Variants in CMTM7 observed in about 807,000 individuals in gnomAD.
CMTM7 encodes CKLF-like MARVEL transmembrane domain-containing protein 7.
CMTM7 carries 7 observed loss-of-function variants against 19.3 expected under a neutral mutation model. That is an observed-to-expected ratio of 0.36 (90% CI 0.21 to 0.68). CMTM7 has a LOEUF of 0.68. CMTM7 is among the 30% of genes least tolerant of loss of function. The pLI, the probability that CMTM7 is intolerant of heterozygous loss-of-function variation, is 0.60. For synonymous variants in CMTM7, 87 were observed against 99.3 expected, an observed-to-expected ratio of 0.88 and a Z score of 0.74; for missense variants, 193 against 232.6, an observed-to-expected ratio of 0.83 and a Z score of 1.11.
At chr3:32,438,378 G>A (rs554094726) in intron 1 of CMTM7, among the ~76,000 whole-genome samples, 2 of 152,124 alleles carry the variant, frequency 1.3e-5, no homozygotes, top group Non-Finnish European at 2.9e-5. Flanking sequence ...AGATTATTTT[G>A]TCACCCAGGA....
chr3:32,418,896 T>A (rs900823260), intron 1 of CMTM7, among the ~76,000 whole-genome samples: 20 of 152,328 alleles, frequency 1.3e-4, no homozygotes, highest in African/African-American at 4.1e-4. Context: ...TTAGAATCAG[T>A]TTTCCAATAT....
In CMTM7 at chr3:32,454,542, G is replaced by C; in HGVS notation, c.*288G>C. The C allele has an allele frequency of 1.5e-6, 1 of 650,630 alleles. No homozygotes were observed. The highest frequency in any genetic ancestry group is 1.5e-5 in the South Asian group (1 of 65,250). 40.3% of individuals were successfully genotyped at this position (650,630 alleles called of 1,614,324 possible). A position where few individuals can be genotyped will look rare whatever the true frequency, so the allele number is the denominator to read the frequency against. On this transcript the variant is annotated 3_prime_UTR_variant, in exon 5 of 5. Transcript: ENST00000334983. ...CCTTCCTGCTTCTAGAACCACCTCA[G>C]GTACTGATGAACCCCACTTAGCACA...
chr3:32,402,277 A>G (rs576299853), intron 1 of CMTM7, among the ~76,000 whole-genome samples: 2 of 151,994 alleles, frequency 1.3e-5, no homozygotes, highest in South Asian at 4.2e-4. Context: ...ACGCCCAGCT[A>G]ATTTTTGTAT....
intron 1 of CMTM7, among the ~76,000 whole-genome samples, chr3:32,421,193 C>T (rs569129010): frequency 1.5e-3 from 226 of 152,220 alleles, no homozygotes; most frequent in Non-Finnish European, 2.8e-3. Context: ...ATCTCCAGTC[C>T]ACCTGCTACT....
chr3:32,421,785 C>G (rs941775464), intron 1 of CMTM7, among the ~76,000 whole-genome samples: 2 of 152,142 alleles, frequency 1.3e-5, no homozygotes, highest in East Asian at 3.9e-4. Flanking sequence ...CCTATTTGTT[C>G]CTCCCAAGAA....
At chr3:32,405,314 C>A (rs1026973171) in intron 1 of CMTM7, among the ~76,000 whole-genome samples, 1 of 152,206 alleles carries the variant, frequency 6.6e-6, no homozygotes, top group South Asian at 2.1e-4. Context: ...GTCACAAAAG[C>A]CTTTTTATCC....
intron 4 of CMTM7, among the ~76,000 whole-genome samples, chr3:32,453,472 T>C (rs1696866002): frequency 6.6e-6 from 1 of 152,194 alleles, no homozygotes; most frequent in South Asian, 2.1e-4. Context: ...CCAACATCAT[T>C]AGGAATTCTT....
intron 1 of CMTM7, among the ~76,000 whole-genome samples, chr3:32,405,518 T>A (rs1696079261): frequency 6.6e-6 from 1 of 152,214 alleles, no homozygotes; most frequent in Non-Finnish European, 1.5e-5. Context: ...ATGCAGGAGC[T>A]CATTCATCAT....
At chr3:32,424,057 G>A (rs1696385826) in intron 1 of CMTM7, among the ~76,000 whole-genome samples, 1 of 152,152 alleles carries the variant, frequency 6.6e-6, no homozygotes, top group Non-Finnish European at 1.5e-5. Flanking sequence ...AATTCTGCAG[G>A]TCGGGAATCC....
intron 1 of CMTM7, among the ~76,000 whole-genome samples, chr3:32,397,656 C>A (rs1240567740): frequency 6.6e-6 from 1 of 152,012 alleles, no homozygotes; most frequent in Non-Finnish European, 1.5e-5. Flanking sequence ...ATCTCTTGAA[C>A]CCGGGAGGCA....
intron 1 of CMTM7, among the ~76,000 whole-genome samples, chr3:32,437,274 G>T (rs1284284553): frequency 1.3e-5 from 2 of 152,130 alleles, no homozygotes; most frequent in Non-Finnish European, 2.9e-5. Flanking sequence ...CTTGCTTTGA[G>T]TTGAGGGCTC....
chr3:32,455,115 G>C lies in CMTM7; in HGVS notation c.*861G>C, dbSNP rs1009215928. On this transcript the variant is annotated 3_prime_UTR_variant, in exon 5 of 5. Coordinates refer to ENST00000334983, the MANE Select transcript of CMTM7 (RefSeq NM_138410.4). ...TGGAAAGAGCTTTAGAGCAAGCTAA[G>C]GGTTGTGTTTACACTATGATGATTA... 4 of 152,770 alleles carry C rather than the reference G, an allele frequency of 2.6e-5. No homozygotes were observed. The highest frequency in any genetic ancestry group is 4.4e-5 in the Non-Finnish European group (3 of 68,516). 9.5% of individuals were successfully genotyped at this position (152,770 alleles called of 1,614,324 possible).
intron 1 of CMTM7, among the ~76,000 whole-genome samples, chr3:32,431,671 A>G (rs1696522059): frequency 6.6e-6 from 1 of 152,208 alleles, no homozygotes; most frequent in South Asian, 2.1e-4. Flanking sequence ...ATGGAGCAGC[A>G]TAGTGGTTAG....
At chr3:32,439,122 C>G (rs1357750905) in intron 1 of CMTM7, among the ~76,000 whole-genome samples, 1 of 152,182 alleles carries the variant, frequency 6.6e-6, no homozygotes, top group Non-Finnish European at 1.5e-5. Context: ...ATGCACACTC[C>G]TGAGTAAGGC....
chr3:32,449,674 C>T lies in CMTM7; in HGVS notation c.432+122C>T. On this transcript the variant is annotated intron_variant, in intron 3 of 4. Transcript: ENST00000334983. This position sits in a 1 kb window ranked among gnomAD's most constrained non-coding sequence, Gnocchi z 4.5. ...TTCCCTTCATAGAATCAATACCTAC[C>T]TTGATCCAGCCATCAGCTCTCTCCA... 2 of 760,130 alleles carry T rather than the reference C, an allele frequency of 2.6e-6. No homozygotes were observed. The highest frequency in any genetic ancestry group is 4.7e-6 in the Non-Finnish European group (2 of 428,652). The allele number at this position is 760,130 out of a possible 1,614,324, so 47.1% of individuals were successfully genotyped here.
chr3:32,391,978 G>C lies in CMTM7; in HGVS notation c.72G>C (p.Ala24=). 4 of 1,232,676 alleles carry C rather than the reference G, an allele frequency of 3.2e-6. No homozygotes were observed. The highest frequency in any genetic ancestry group is 4.1e-6 in the Non-Finnish European group (4 of 986,842). 76.4% of individuals were successfully genotyped at this position (1,232,676 alleles called of 1,614,324 possible). The change falls in exon 1 of 5, where the codon GCG becomes GCC. Residue 24 remains alanine (A), a synonymous_variant. Coordinates refer to ENST00000334983, the MANE Select transcript of CMTM7 (RefSeq NM_138410.4). ...GCGCGCTCGGACCCGGGGCCGGCGC[G>C]GCCCAGCCCAGCGCGAGCCCCTTGG... is the stretch of plus-strand genomic sequence containing the variant. ...SGSALGPGAG[A]AQPSASPLEG... is the part of the protein sequence containing the mutation.
intron 1 of CMTM7, among the ~76,000 whole-genome samples, chr3:32,428,075 C>T (rs1696460219): frequency 6.6e-6 from 1 of 152,192 alleles, no homozygotes; most frequent in Non-Finnish European, 1.5e-5. Context: ...AAATACGGTC[C>T]TTCCTGTGGA....
chr3:32,443,944 T>G (rs1221729184), intron 2 of CMTM7, among the ~76,000 whole-genome samples: 1 of 152,254 alleles, frequency 6.6e-6, no homozygotes, highest in African/African-American at 2.4e-5. Context: ...TGAGAATTCC[T>G]TCTATAGTCT....
chr3:32,442,168 C>T (rs979021916), intron 2 of CMTM7, among the ~76,000 whole-genome samples, 155 bp downstream of exon 2: 4 of 152,126 alleles, frequency 2.6e-5, no homozygotes, highest in Non-Finnish European at 5.9e-5. Context: ...TGGTGGACAT[C>T]TCTGCTTGAT....
Sources: gnomAD v4.1 joint callset for allele counts (sites outside exome capture counted in the v4.1 genomes callset) on GRCh38, gnomAD v4.1.1 for gene constraint, Gnocchi (gnomAD v3.1) non-coding constraint, MANE v1.5 for transcripts, NCBI Gene and HGNC (gene_info 2026-07-23, HGNC 2026-07-21) for gene names.